The following CEP15 variants were observed in gnomAD, a reference collection of about 807,000 sequenced individuals.
The protein encoded by CEP15 is centrosomal protein 15 kDa.
the CEP15 span, among the ~76,000 whole-genome samples, chr3:62,327,164 G>T: frequency 6.6e-6 from 1 of 152,248 alleles, no homozygotes; most frequent in South Asian, 2.1e-4. Flanking sequence ...CATCTCTGAC[G>T]TATCATTTTG....
chr3:62,331,377 G>A, the CEP15 span: 45 of 1,612,754 alleles, frequency 2.8e-5, no homozygotes, highest in South Asian at 3.7e-4. Flanking sequence ...CCACTTCCAC[G>A]GCCTGAGGTG....
the CEP15 span, chr3:62,333,180 A>G: frequency 6.9e-7 from 1 of 1,446,544 alleles, no homozygotes. The surrounding 1 kb of genome is among the most constrained non-coding windows in gnomAD (Gnocchi z 4.0). Context: ...TTAAGTGAAT[A>G]AACATTTAGA....
the CEP15 span, chr3:62,321,925 T>C: frequency 2.5e-6 from 4 of 1,576,716 alleles, no homozygotes; most frequent in South Asian, 1.2e-5. This position sits in a 1 kb window ranked among gnomAD's most constrained non-coding sequence, Gnocchi z 4.1. Flanking sequence ...TCGTTTTTTT[T>C]CTAGAGTATC....
chr3:62,327,906 A>T, the CEP15 span, among the ~76,000 whole-genome samples: 1 of 152,130 alleles, frequency 6.6e-6, no homozygotes, highest in African/African-American at 2.4e-5. Context: ...TTTATGCCTG[A>T]TGTGTCCCAT....
the CEP15 span, among the ~76,000 whole-genome samples, chr3:62,331,649 T>C: frequency 6.6e-6 from 1 of 152,152 alleles, no homozygotes; most frequent in African/African-American, 2.4e-5. Context: ...TTTCACCTTG[T>C]CACTTAGAAA....
chr3:62,326,332 ACC>A, the CEP15 span, among the ~76,000 whole-genome samples: 14 of 152,282 alleles, frequency 9.2e-5, no homozygotes, highest in Middle Eastern at 3.4e-3. Context: ...TGTACCAATG[ACC>A]CTGTATCTCA....
chr3:62,333,773 G>T, the CEP15 span: 2 of 156,912 alleles, frequency 1.3e-5, no homozygotes, highest in African/African-American at 4.8e-5. This position sits in a 1 kb window ranked among gnomAD's most constrained non-coding sequence, Gnocchi z 4.0. Flanking sequence ...TAGGGACAAG[G>T]TATAGGATCA....
chr3:62,319,897 G>C, the CEP15 span: 1 of 152,354 alleles, frequency 6.6e-6, no homozygotes, highest in African/African-American at 2.4e-5. Flanking sequence ...ACAAATGAGA[G>C]TGCTTAGCAG....
chr3:62,321,550 T>C, the CEP15 span, among the ~76,000 whole-genome samples: 1 of 152,188 alleles, frequency 6.6e-6, no homozygotes, highest in South Asian at 2.1e-4. This position sits in a 1 kb window ranked among gnomAD's most constrained non-coding sequence, Gnocchi z 4.1. Flanking sequence ...TCAATGTATG[T>C]GTGTCGGGAG....
chr3:62,327,157 C>T, the CEP15 span, among the ~76,000 whole-genome samples: 2 of 152,296 alleles, frequency 1.3e-5, no homozygotes, highest in East Asian at 3.9e-4. Flanking sequence ...CTAATTACAT[C>T]TCTGACGTAT....
At chr3:62,320,256 T>C in the CEP15 span, among the ~76,000 whole-genome samples, 1 of 152,236 alleles carries the variant, frequency 6.6e-6, no homozygotes, top group Non-Finnish European at 1.5e-5. Context: ...TGGGTTTACC[T>C]AATTCATAGT....
the CEP15 span, among the ~76,000 whole-genome samples, chr3:62,323,119 T>TA: frequency 6.6e-6 from 1 of 152,232 alleles, no homozygotes; most frequent in African/African-American, 2.4e-5. Flanking sequence ...ATTTTCCTTT[T>TA]AATGAGCAAG....
the CEP15 span, among the ~76,000 whole-genome samples, chr3:62,329,843 C>G: frequency 1.3e-5 from 2 of 152,112 alleles, no homozygotes; most frequent in African/African-American, 4.8e-5. Context: ...CATAATTGGA[C>G]TTGTGATTAT....
the CEP15 span, among the ~76,000 whole-genome samples, chr3:62,328,959 G>A: frequency 6.6e-6 from 1 of 150,878 alleles, no homozygotes; most frequent in African/African-American, 2.4e-5. Flanking sequence ...TATGTAGTGG[G>A]TACTGATGAT....
the CEP15 span, chr3:62,334,425 G>A: frequency 2.6e-5 from 4 of 152,024 alleles, no homozygotes; most frequent in African/African-American, 9.7e-5. The surrounding 1 kb of genome is among the most constrained non-coding windows in gnomAD (Gnocchi z 4.9). Flanking sequence ...TGAAACGTCC[G>A]TTGTGCCGAT....
chr3:62,333,847 C>T, the CEP15 span: 1 of 151,978 alleles, frequency 6.6e-6, no homozygotes, highest in Non-Finnish European at 1.5e-5. The surrounding 1 kb of genome is among the most constrained non-coding windows in gnomAD (Gnocchi z 4.0). Context: ...GACAATGACA[C>T]CTAAACTGCT....
the CEP15 span, chr3:62,333,213 A>G: frequency 1.9e-6 from 3 of 1,598,548 alleles, no homozygotes; most frequent in Admixed American, 1.7e-5. This position sits in a 1 kb window ranked among gnomAD's most constrained non-coding sequence, Gnocchi z 4.0. Flanking sequence ...GCCAAGTTCA[A>G]TTGCTTGATA....
chr3:62,335,931 A>C, the CEP15 span: 1 of 152,156 alleles, frequency 6.6e-6, no homozygotes, highest in Non-Finnish European at 1.5e-5. Context: ...CTTGAAAAAA[A>C]ATTAAGAAGT....
the CEP15 span, chr3:62,320,542 G>C: frequency 3.2e-6 from 5 of 1,583,664 alleles, no homozygotes; most frequent in Non-Finnish European, 4.3e-6. Context: ...TTTTTAAAGG[G>C]ATGATTCAGA....
Sources: gnomAD v4.1 joint callset for allele counts (sites outside exome capture counted in the v4.1 genomes callset) on GRCh38, gnomAD v4.1.1 for gene constraint, Gnocchi (gnomAD v3.1) non-coding constraint, MANE v1.5 for transcripts, NCBI Gene and HGNC (gene_info 2026-07-23, HGNC 2026-07-21) for gene names.